CRIP3: variants seen among roughly 807,000 people sequenced by gnomAD.
CRIP3 encodes the protein cysteine-rich protein 3.
In CRIP3, 23 loss-of-function variants were observed where a neutral mutation model predicts 30.3. That is an observed-to-expected ratio of 0.76 (90% CI 0.55 to 1.08). The LOEUF is 1.08. CRIP3 is among the 50% of genes least tolerant of loss of function. The pLI is 0.00. For missense variants in CRIP3, 261 were observed against 259.3 expected, an observed-to-expected ratio of 1.01 and a Z score of -0.04; for synonymous variants, 89 against 97.6, an observed-to-expected ratio of 0.91 and a Z score of 0.52.
At position 43,307,838 on chromosome 6, in the gene CRIP3, C is replaced by T. The variant is rs1396255313; in HGVS notation, c.196+1G>A. On this transcript the variant is annotated splice_donor_variant, in intron 3 of 7. Transcript: ENST00000372569. LOFTEE classifies it high-confidence loss of function. ...CATGGCCCCTTAAGGCTGGTACTTA[C>T]CCCTGGGTCCAAAGAGAGCCCCATA... 8 of 1,614,032 alleles carry T rather than the reference C, an allele frequency of 5.0e-6. No individual in the cohort carries two copies. The highest frequency in any genetic ancestry group is 6.8e-6 in the Non-Finnish European group (8 of 1,179,976).
At chr6:43,308,214 G>C in intron 2 of CRIP3, 101 bp downstream of exon 2, 1 of 1,088,546 alleles carries the variant, frequency 9.2e-7, no homozygotes, top group Non-Finnish European at 1.3e-6. Flanking sequence ...TGGCTACTGA[G>C]GTTCCCTTTG....
chr6:43,305,993 T>C (rs745436154), intron 7 of CRIP3, 74 bp downstream of exon 7: 3 of 1,606,716 alleles, frequency 1.9e-6, no homozygotes, highest in Admixed American at 1.7e-5. Context: ...TGTCCACACA[T>C]ACCCACAGAC....
At position 43,305,505 on chromosome 6, in the gene CRIP3, G is replaced by A. The variant is rs1778905548; in HGVS notation, c.*309C>T. The stretch of plus-strand genomic sequence containing the variant: ...AACATTTTATTGAAGAAGCCACAGA[G>A]GCTGAAATTCAATAAACACAAGTTT... On this transcript the variant is annotated 3_prime_UTR_variant, in exon 8 of 8. Transcript: ENST00000372569. 2.3e-6 allele frequency: 1 copy of A among 428,182 alleles called. No individual in the cohort carries two copies. Among genetic ancestry groups the A allele is most frequent in the Non-Finnish European group, 4.2e-6 (1 of 236,234 alleles). 26.5% of individuals were successfully genotyped at this position (428,182 alleles called of 1,614,324 possible).
chr6:43,305,834 C>T lies in CRIP3; in HGVS notation c.595G>A (p.Val199Met). The change falls in exon 8 of 8, where the codon GTG (valine) becomes ATG (methionine). Residue 199 changes from valine (V) to methionine (M), a missense_variant. Transcript: ENST00000372569. ...GCGTCTCATTTGAATTTTATCTTCA[C>T]TGGGTCATAGATGTAGCAGCCCACA... The part of the protein sequence containing the change: ...GDVGCYIYDP[V>M]KIKFK 2 of 1,614,136 alleles carry T rather than the reference C, an allele frequency of 1.2e-6. No individual in the cohort carries two copies. Among genetic ancestry groups the T allele is most frequent in the Non-Finnish European group, 1.7e-6 (2 of 1,180,030 alleles).
Position 43,308,029 on chromosome 6 carries a change from T to C in CRIP3, c.139-133A>G, listed in dbSNP as rs530363590. ...TGGTGGGCCTGGGAGGGGTGGGGGA[T>C]GGGCTGGCATGCCAGCATTTCCACT... On this transcript the variant is annotated intron_variant, in intron 2 of 7. Transcript: ENST00000372569. 81 of 943,434 alleles carry C rather than the reference T, an allele frequency of 8.6e-5. No individual in the cohort carries two copies. The East Asian group carries it at 2.1e-3, about 24-fold the overall frequency. The allele number at this position is 943,434 out of a possible 1,614,324, so 58.4% of individuals were successfully genotyped here. A position where few individuals can be genotyped will look rare whatever the true frequency, so the allele number is the denominator to read the frequency against.
In CRIP3 at chr6:43,306,137, G is replaced by A; in HGVS notation, c.496-13C>T. On this transcript the variant is annotated splice_polypyrimidine_tract_variant and intron_variant, in intron 6 of 7. Transcript: ENST00000372569. Reference sequence around the variant, plus strand: ...GGACTCCATCATGCTGAGACACAGAGAGAAAGAGAGCTGTCTCAGCCTGGT... The same window carrying A: ...GGACTCCATCATGCTGAGACACAGAAAGAAAGAGAGCTGTCTCAGCCTGGT... 1.9e-6 allele frequency: 3 copies of A among 1,614,070 alleles called. No individual in the cohort carries two copies. Among genetic ancestry groups the A allele is most frequent in the Non-Finnish European group, 8.5e-7 (1 of 1,180,006 alleles).
At chr6:43,307,342 G>A (rs1040435815) in intron 4 of CRIP3, 14 of 245,910 alleles carry the variant, frequency 5.7e-5, no homozygotes, top group African/African-American at 3.1e-4. Flanking sequence ...ATTTCACCAT[G>A]CTGGCCAGGC....
chr6:43,306,727 T>C, intron 4 of CRIP3: 1 of 533,192 alleles, frequency 1.9e-6, no homozygotes, highest in South Asian at 2.8e-5. Context: ...ACTATCTGCT[T>C]CCTTCTCCTG....
chr6:43,306,033 A>G (rs1778922653), intron 7 of CRIP3, 34 bp downstream of exon 7: 8 of 1,608,776 alleles, frequency 5.0e-6, no homozygotes, highest in Non-Finnish European at 5.9e-6. Flanking sequence ...AGGCATGTAC[A>G]TGCCATCCCA....
At chr6:43,307,462 CG>C (rs766968633) in intron 4 of CRIP3, 149 bp downstream of exon 4, 19 of 689,902 alleles carry the variant, frequency 2.8e-5, no homozygotes, top group African/African-American at 3.7e-5. Context: ...AAAAAAAAAG[CG>C]GGGAGTAGAT....
In CRIP3 at chr6:43,306,096, G is replaced by C; in HGVS notation, c.524C>G (p.Pro175Arg). The change falls in exon 7 of 8, where the codon CCC (proline) becomes CGC (arginine). Residue 175 changes from proline to arginine, a missense_variant. Pro to Arg is a moderately radical substitution (Grantham distance 103). Coordinates refer to ENST00000372569, the MANE Select transcript of CRIP3 (RefSeq NM_206922.3). ...GGGGCCAAACAGGTAGCCGTAGCAGGGGACGTGGCAGTAGGGGACTCCATC... is the reference window on the plus strand; with the variant it reads ...GGGGCCAAACAGGTAGCCGTAGCAGCGGACGTGGCAGTAGGGGACTCCATC... The part of the protein sequence containing the change: ...EHDGVPYCHV[P>R]CYGYLFGPKG... 6.2e-7 allele frequency: 1 copy of C among 1,613,964 alleles called. No individual in the cohort carries two copies. The highest frequency in any genetic ancestry group is 8.5e-7 in the Non-Finnish European group (1 of 1,179,942).
At position 43,307,808 on chromosome 6, in the gene CRIP3, T is replaced by G. The variant is rs781362757; in HGVS notation, c.196+31A>C. The G allele has an allele frequency of 3.1e-6, 5 of 1,613,148 alleles. No individual in the cohort carries two copies. The South Asian group carries it at 4.4e-5, about 14-fold the overall frequency. On this transcript the variant is annotated intron_variant, in intron 3 of 7. Coordinates refer to ENST00000372569, the MANE Select transcript of CRIP3 (RefSeq NM_206922.3). ...CTCCCAGCCACAAGGAGGGTTCTGC[T>G]GACCCATGGCCCCTTAAGGCTGGTA...
chr6:43,305,705 G>A lies in CRIP3; in HGVS notation c.*109C>T. ...ATGGAGCCTAGGCCCAGGCCCCCAA[G>A]ATCCCACCTTCCCCAACCCCCATGG... is the stretch of plus-strand genomic sequence containing the variant. On this transcript the variant is annotated 3_prime_UTR_variant, in exon 8 of 8. Transcript: ENST00000372569. 2 of 1,405,102 alleles carry A rather than the reference G, an allele frequency of 1.4e-6. No homozygotes were observed. Among genetic ancestry groups the A allele is most frequent in the Non-Finnish European group, 2.0e-6 (2 of 994,152 alleles). 87.0% of individuals were successfully genotyped at this position (1,405,102 alleles called of 1,614,324 possible).
chr6:43,307,565 G>A (rs747742993), intron 4 of CRIP3, 47 bp downstream of exon 4: 3 of 1,379,998 alleles, frequency 2.2e-6, no homozygotes, highest in Non-Finnish European at 1.9e-6. Flanking sequence ...GCTCCAGCTT[G>A]GGGAAGGGTC....
chr6:43,306,638 C>T lies in CRIP3; in HGVS notation c.329-121G>A, dbSNP rs538644546. The stretch of plus-strand genomic sequence containing the variant: ...ATTCCAGAGTGCCCCACCCAGGCGC[C>T]CAAGAGTCTGCCTTCTACAGGCCCA... On this transcript the variant is annotated intron_variant, in intron 4 of 7. Transcript: ENST00000372569. 100 of 816,902 alleles carry T rather than the reference C, an allele frequency of 1.2e-4. No individual in the cohort carries two copies. In the South Asian group the frequency reaches 1.8e-3, roughly 14 times the overall value. 50.6% of individuals were successfully genotyped at this position (816,902 alleles called of 1,614,324 possible).
chr6:43,308,185 A>G, intron 2 of CRIP3, 130 bp downstream of exon 2: 1 of 808,234 alleles, frequency 1.2e-6, no homozygotes, highest in Non-Finnish European at 2.0e-6. Flanking sequence ...GGGGTCCACC[A>G]GGTGGGCGGC....
In CRIP3 at chr6:43,308,384, C is replaced by CCT; in HGVS notation, c.68_69insAG (p.Asn24GlyfsTer8). ...ATTTCAGGCAGAAGCGGTGCCAGTT[C>CCT]TTGCCCAGGGAGCTCACCTTCTCAG... On this transcript the variant is annotated frameshift_variant, in exon 2 of 8. Coordinates refer to ENST00000372569, the MANE Select transcript of CRIP3 (RefSeq NM_206922.3). LOFTEE classifies it high-confidence loss of function. 6.2e-7 allele frequency: 1 copy of CCT among 1,612,988 alleles called. No homozygotes were observed. Among genetic ancestry groups the CCT allele is most frequent in the Non-Finnish European group, 8.5e-7 (1 of 1,179,752 alleles).
intron 4 of CRIP3, 53 bp from the exon 5 acceptor site, chr6:43,306,570 A>ACCTG: frequency 7.1e-7 from 1 of 1,406,108 alleles, no homozygotes; most frequent in Non-Finnish European, 9.8e-7. Flanking sequence ...GCCCACCAGC[A>ACCTG]CCTGCCTGCA....
chr6:43,307,897 C>T lies in CRIP3; in HGVS notation c.139-1G>A. 6.2e-7 allele frequency: 1 copy of T among 1,613,512 alleles called. No individual in the cohort carries two copies. Among genetic ancestry groups the T allele is most frequent in the Non-Finnish European group, 8.5e-7 (1 of 1,179,966 alleles). ...TGTGGCAGTATGGCCTCCCATTGTG[C>T]TGGGCACAAGCAGAGGGAAGTGGGT... On this transcript the variant is annotated splice_acceptor_variant, in intron 2 of 7. Transcript: ENST00000372569. LOFTEE classifies it high-confidence loss of function.
Sources: gnomAD v4.1 joint callset for allele counts on GRCh38, gnomAD v4.1.1 for gene constraint, MANE v1.5 for transcripts, NCBI Gene and HGNC (gene_info 2026-07-23, HGNC 2026-07-21) for gene names.